LRP1B: variants seen among roughly 807,000 people sequenced by gnomAD.
LRP1B encodes LDL receptor related protein 1B.
LRP1B carries 217 observed loss-of-function variants against 556.6 expected under a neutral mutation model. The ratio of observed to expected loss-of-function variants is 0.39; its 90% CI spans 0.35 to 0.44. The LOEUF (loss-of-function observed/expected upper bound fraction) is 0.44, where lower values mean the gene tolerates loss of function less well. LRP1B is among the 20% of genes least tolerant of loss of function. The pLI is 1.00. For synonymous variants in LRP1B, 2,047 were observed against 1,865.8 expected, an observed-to-expected ratio of 1.10 and a Z score of -2.50; for missense variants, 5,053 against 5,620.8, an observed-to-expected ratio of 0.90 and a Z score of 3.23.
At chr2:140,581,447 T>C (rs187990380) in intron 43 of LRP1B, among the ~76,000 whole-genome samples, 69 of 152,254 alleles carry the variant, frequency 4.5e-4, no homozygotes, top group Non-Finnish European at 4.6e-4. Context: ...GCATACCTAA[T>C]AGAGAAGCAC....
chr2:141,436,391 A>G (rs1178184825), intron 3 of LRP1B, among the ~76,000 whole-genome samples: 4 of 152,172 alleles, frequency 2.6e-5, no homozygotes, highest in Non-Finnish European at 5.9e-5. Flanking sequence ...AGAGAATAGA[A>G]TGGTGGTTGC....
At chr2:141,920,958 G>A (rs956108073) in intron 1 of LRP1B, among the ~76,000 whole-genome samples, 1 of 151,954 alleles carries the variant, frequency 6.6e-6, no homozygotes, top group African/African-American at 2.4e-5. Flanking sequence ...GAGAAAATGT[G>A]TGAGAACTCA....
intron 2 of LRP1B, among the ~76,000 whole-genome samples, chr2:141,694,137 CCCTCTA>C (rs1327532738): frequency 3.9e-5 from 6 of 152,054 alleles, no homozygotes; most frequent in Non-Finnish European, 7.4e-5. Context: ...CTCCTCCTCT[CCCTCTA>C]CCTCTACCTC....
At chr2:141,832,987 T>A (rs1467397658) in intron 1 of LRP1B, among the ~76,000 whole-genome samples, 1 of 151,774 alleles carries the variant, frequency 6.6e-6, no homozygotes, top group Non-Finnish European at 1.5e-5. Flanking sequence ...ACACTATTTT[T>A]CATTTCAATT....
At chr2:140,951,375 T>C (rs1426681814) in intron 19 of LRP1B, among the ~76,000 whole-genome samples, 1 of 152,192 alleles carries the variant, frequency 6.6e-6, no homozygotes, top group Non-Finnish European at 1.5e-5. Context: ...TGGGAATGCA[T>C]TGATTCCTAT....
chr2:141,552,850 T>C (rs1222486384), intron 2 of LRP1B, among the ~76,000 whole-genome samples: 1 of 151,972 alleles, frequency 6.6e-6, no homozygotes, highest in Non-Finnish European at 1.5e-5. Context: ...TCTGTTTCCA[T>C]GGCACCATCT....
chr2:140,747,351 C>T (rs1441451), intron 35 of LRP1B, among the ~76,000 whole-genome samples: 7 of 152,294 alleles, frequency 4.6e-5, no homozygotes, highest in Admixed American at 2.6e-4. Context: ...TTCTATGCAG[C>T]CTCTCTGCAT....
intron 31 of LRP1B, among the ~76,000 whole-genome samples, chr2:140,826,797 C>A (rs1007079202): frequency 5.9e-5 from 9 of 152,108 alleles, no homozygotes; most frequent in Non-Finnish European, 7.4e-5. Flanking sequence ...GGGAGAAAAC[C>A]CCTGAGGGCA....
chr2:141,703,220 T>A (rs1558815191), intron 2 of LRP1B, among the ~76,000 whole-genome samples: 1 of 129,194 alleles, frequency 7.7e-6, no homozygotes, highest in Non-Finnish European at 1.6e-5. Context: ...GGAAAGAATA[T>A]CATATTTTAA....
chr2:140,903,678 A>T (rs1027856908), intron 22 of LRP1B, among the ~76,000 whole-genome samples: 6 of 152,000 alleles, frequency 3.9e-5, no homozygotes, highest in Admixed American at 1.3e-4. Context: ...GTTAAAATGC[A>T]GAATGGATTA....
At chr2:141,990,453 C>T in intron 1 of LRP1B, among the ~76,000 whole-genome samples, 1 of 151,834 alleles carries the variant, frequency 6.6e-6, no homozygotes, top group East Asian at 1.9e-4. Context: ...AATTAAATTT[C>T]CTTTGCTAGT....
At chr2:140,396,114 C>T (rs1684240970) in intron 66 of LRP1B, among the ~76,000 whole-genome samples, 1 of 152,166 alleles carries the variant, frequency 6.6e-6, no homozygotes, top group African/African-American at 2.4e-5. Flanking sequence ...AGAGGCATAA[C>T]AGAAATCTCG....
chr2:141,369,052 G>T (rs375673863), intron 3 of LRP1B, among the ~76,000 whole-genome samples: 2 of 152,030 alleles, frequency 1.3e-5, no homozygotes, highest in Admixed American at 1.3e-4. Context: ...TTGCCAATTT[G>T]CCCTTGCAGA....
At chr2:142,027,632 G>C (rs1703553562) in intron 1 of LRP1B, among the ~76,000 whole-genome samples, 1 of 151,276 alleles carries the variant, frequency 6.6e-6, no homozygotes, top group Non-Finnish European at 1.5e-5. Context: ...AATCCACTGA[G>C]AGAAGTAATA....
intron 3 of LRP1B, among the ~76,000 whole-genome samples, chr2:141,384,682 C>A (rs953567011): frequency 6.6e-6 from 1 of 152,104 alleles, no homozygotes; most frequent in Admixed American, 6.6e-5. Flanking sequence ...AAATAACACT[C>A]CCTTGAAGCA....
chr2:141,848,952 A>G (rs929661259), intron 1 of LRP1B, among the ~76,000 whole-genome samples: 1 of 151,600 alleles, frequency 6.6e-6, no homozygotes. Context: ...ATATGAGTGA[A>G]TGAAGATTAT....
At chr2:140,786,446 C>T (rs1433110021) in intron 32 of LRP1B, among the ~76,000 whole-genome samples, 1 of 152,190 alleles carries the variant, frequency 6.6e-6, no homozygotes, top group African/African-American at 2.4e-5. Context: ...TCCACCTGGA[C>T]AATCAGAGGT....
chr2:142,115,469 ATT>A (rs1370089958), intron 1 of LRP1B, among the ~76,000 whole-genome samples: 2 of 69,232 alleles, frequency 2.9e-5, no homozygotes, highest in South Asian at 3.6e-4. Context: ...ATATATATAT[ATT>A]ACATACATAT....
intron 20 of LRP1B, among the ~76,000 whole-genome samples, chr2:140,946,675 G>A (rs1187346774): frequency 1.3e-5 from 2 of 151,904 alleles, no homozygotes; most frequent in East Asian, 1.9e-4. Flanking sequence ...CTCATTACTC[G>A]GTATATACCA....
Sources: allele counts gnomAD v4.1 joint callset (sites outside exome capture counted in the v4.1 genomes callset), GRCh38; gene constraint gnomAD v4.1.1; transcripts MANE v1.5; gene names NCBI Gene and HGNC (gene_info 2026-07-23, HGNC 2026-07-21).